Variants in ABL1 observed in about 807,000 individuals in gnomAD.
ABL1 encodes the protein tyrosine-protein kinase ABL1.
A neutral mutation model predicts 94.7 loss-of-function variants in ABL1; 11 were observed. The ratio of observed to expected loss-of-function variants is 0.12; its 90% confidence interval spans 0.07 to 0.19. The LOEUF (loss-of-function observed/expected upper bound fraction) is 0.19. ABL1 is among the 10% of genes least tolerant of loss of function. ABL1 has a pLI of 1.00. For missense variants in ABL1, 1,082 were observed against 1,489.4 expected (o/e 0.73, Z 4.50); for synonymous variants, 656 against 622.4 (o/e 1.05, Z -0.80).
chr9:130,820,362 G>A (rs533605793), intron 1 of ABL1, among the ~76,000 whole-genome samples: 7 of 152,296 alleles, frequency 4.6e-5, no homozygotes, highest in South Asian at 2.1e-4. Flanking sequence ...TTGTGAGGGC[G>A]TCCAAATGCT....
chr9:130,826,119 G>A (rs1316304398), intron 1 of ABL1, among the ~76,000 whole-genome samples: 1 of 151,840 alleles, frequency 6.6e-6, no homozygotes, highest in Non-Finnish European at 1.5e-5. Context: ...TGCAATATGG[G>A]GAAAATAAAT....
chr9:130,832,393 C>T (rs1193604267), upstream of ABL1, among the ~76,000 whole-genome samples: 3 of 151,580 alleles, frequency 2.0e-5, no homozygotes, highest in Non-Finnish European at 4.4e-5. Context: ...GACATGTTTT[C>T]CCAACAGTTA....
chr9:130,761,640 G>C (rs998589863), intron 1 of ABL1, among the ~76,000 whole-genome samples: 1 of 152,190 alleles, frequency 6.6e-6, no homozygotes, highest in African/African-American at 2.4e-5. Flanking sequence ...TGCCACTCCA[G>C]TGCTATGGTG....
intron 3 of ABL1, among the ~76,000 whole-genome samples, chr9:130,859,221 C>T (rs892723467): frequency 6.6e-6 from 1 of 152,180 alleles, no homozygotes; most frequent in African/African-American, 2.4e-5. Flanking sequence ...TCACGTTCCT[C>T]GATTCCTTCT....
chr9:130,761,838 C>T (rs569985935), intron 1 of ABL1, among the ~76,000 whole-genome samples: 3 of 152,134 alleles, frequency 2.0e-5, no homozygotes, highest in South Asian at 2.1e-4. Context: ...AATAAATGCT[C>T]ATTATTTAAT....
chr9:130,837,566 T>G (rs1368747916), intron 1 of ABL1, among the ~76,000 whole-genome samples: 1 of 152,042 alleles, frequency 6.6e-6, no homozygotes, highest in East Asian at 1.9e-4. Flanking sequence ...AAAAAAAAGT[T>G]CTAGTACAGC....
intron 3 of ABL1, among the ~76,000 whole-genome samples, chr9:130,856,419 G>T (rs1360752179): frequency 6.6e-6 from 1 of 152,014 alleles, no homozygotes; most frequent in South Asian, 2.1e-4. Flanking sequence ...ACAGGGTCTC[G>T]CCATGTCGCC....
chr9:130,839,585 A>G (rs1830637854), intron 1 of ABL1, among the ~76,000 whole-genome samples: 1 of 152,192 alleles, frequency 6.6e-6, no homozygotes, highest in South Asian at 2.1e-4. Flanking sequence ...GAAAAGAGGA[A>G]GGGCCCCAGT....
At chr9:130,772,767 A>G (rs1393203713) in intron 1 of ABL1, among the ~76,000 whole-genome samples, 1 of 152,236 alleles carries the variant, frequency 6.6e-6, no homozygotes, top group African/African-American at 2.4e-5. Context: ...TGAGGATCCA[A>G]CTGAATGCTT....
intron 1 of ABL1, among the ~76,000 whole-genome samples, chr9:130,747,428 C>T (rs182092356): frequency 6.8e-4 from 103 of 151,950 alleles, no homozygotes; most frequent in Non-Finnish European, 1.3e-3. Flanking sequence ...TTTTTGTTTG[C>T]GTGGGGACAG....
At chr9:130,882,592 T>C (rs1327332898) in intron 10 of ABL1, among the ~76,000 whole-genome samples, 1 of 151,974 alleles carries the variant, frequency 6.6e-6, no homozygotes, top group Non-Finnish European at 1.5e-5. Context: ...TGGAGTGCAA[T>C]GGCATGATAC....
At chr9:130,879,295 T>C (rs1268018155) in intron 8 of ABL1, among the ~76,000 whole-genome samples, 2 of 152,222 alleles carry the variant, frequency 1.3e-5, no homozygotes, top group Non-Finnish European at 2.9e-5. Flanking sequence ...TCTTACACTG[T>C]TTTCCCACAC....
At chr9:130,842,941 G>GT (rs769268972) in intron 1 of ABL1, among the ~76,000 whole-genome samples, 2 of 152,260 alleles carry the variant, frequency 1.3e-5, no homozygotes, top group African/African-American at 4.8e-5. Context: ...AGAGAACTGT[G>GT]TTTTTACATT....
intron 1 of ABL1, among the ~76,000 whole-genome samples, chr9:130,747,930 T>A (rs1046382817): frequency 2.0e-5 from 3 of 152,228 alleles, no homozygotes; most frequent in African/African-American, 7.2e-5. Context: ...AATGGGTCAC[T>A]AGGTCATATG....
At chr9:130,832,382 A>G (rs1830504442), upstream of ABL1, among the ~76,000 whole-genome samples, 1 of 151,872 alleles carries the variant, frequency 6.6e-6, no homozygotes. Context: ...TTTTCTCCTA[A>G]GACATGTTTT....
rs144448357 is a variant in ABL1 at position 130,872,944 on chromosome 9, A to G, written c.992A>G (p.Asn331Ser). The change falls in exon 6 of 11, where the codon AAC becomes AGC. Residue 331 changes from asparagine to serine, a missense_variant. Asn to Ser is a conservative substitution (Grantham distance 46). Transcript: ENST00000318560. This position sits in a 1 kb window ranked among gnomAD's most constrained non-coding sequence, Gnocchi z 5.0. ...CTCCTGGACTACCTGAGGGAGTGCA[A>G]CCGGCAGGAGGTGAACGCCGTGGTG... ...GNLLDYLRECNRQEVNAVVLL... is the reference protein window; with the variant it reads ...GNLLDYLRECSRQEVNAVVLL... 64 of 1,614,174 alleles carry G rather than the reference A, an allele frequency of 4.0e-5. No homozygotes were observed. The African/African-American group carries it at 4.7e-4, about 12-fold the overall frequency.
rs543326211 is a variant in ABL1, at chr9:130,760,982, C to G, written c.136+46527C>G. 1.6e-3 allele frequency among the ~76,000 whole-genome samples: 174 copies of G among 107,932 alleles called. 2 individuals carry two copies. Among genetic ancestry groups the G allele is most frequent in the African/African-American group, 6.4e-3 (169 of 26,222 alleles). The allele number at this position is 107,932 out of a possible 152,430, so 70.8% of individuals were successfully genotyped here. On this transcript the variant is annotated intron_variant, in intron 1 of 10. Transcript: ENST00000372348. ...TTTTTTTTTGAGACGGAGTCTCGCTCTTTCGCCCAGGCTGGAGTGCAGTGG... is the reference window on the plus strand; with the variant it reads ...TTTTTTTTTGAGACGGAGTCTCGCTGTTTCGCCCAGGCTGGAGTGCAGTGG...
intron 4 of ABL1, among the ~76,000 whole-genome samples, chr9:130,869,556 C>G (rs921751672): frequency 1.3e-5 from 2 of 152,190 alleles, no homozygotes; most frequent in Admixed American, 6.5e-5. Context: ...GCATCTGGGC[C>G]AGCCTCGTCA....
intron 1 of ABL1, among the ~76,000 whole-genome samples, chr9:130,839,497 A>G (rs1458283172): frequency 1.3e-5 from 2 of 152,218 alleles, no homozygotes; most frequent in African/African-American, 4.8e-5. Context: ...TTGACCATTT[A>G]CAATGTCACA....
Sources: allele counts gnomAD v4.1 joint callset (sites outside exome capture counted in the v4.1 genomes callset), GRCh38; gene constraint gnomAD v4.1.1; non-coding constraint Gnocchi (gnomAD v3.1); transcripts MANE v1.5; gene names NCBI Gene and HGNC (gene_info 2026-07-23, HGNC 2026-07-21).